Variants in HAUS6 observed in about 807,000 individuals in gnomAD.
HAUS6 encodes the protein HAUS augmin like complex subunit 6.
Under a neutral mutation model 106.8 loss-of-function variants are expected in HAUS6, and 80 were observed. That is an observed-to-expected ratio of 0.75 (90% CI 0.63 to 0.90). The LOEUF (loss-of-function observed/expected upper bound fraction) is 0.90, where lower values mean the gene tolerates loss of function less well. Among genes scored for constraint, HAUS6 ranks in the 40% least tolerant of loss-of-function variants. HAUS6 has a pLI of 0.00. For missense variants in HAUS6, 1,155 were observed against 1,118.1 expected, an observed-to-expected ratio of 1.03 and a Z score of -0.47; for synonymous variants, 356 against 379.1, an observed-to-expected ratio of 0.94 and a Z score of 0.71.
At chr9:19,091,840 T>C (rs768213240) in intron 4 of HAUS6, among the ~76,000 whole-genome samples, 2 of 152,018 alleles carry the variant, frequency 1.3e-5, no homozygotes, top group Non-Finnish European at 2.9e-5. Flanking sequence ...TTTTGTATTT[T>C]CAGTAATGAC....
intron 16 of HAUS6, 193 bp from the exon 17 acceptor site, chr9:19,056,597 C>CT (rs879658713): frequency 0.06 from 24,371 of 403,118 alleles, 26 homozygotes; most frequent in South Asian, 0.073. Context: ...TCCCAGAGTA[C>CT]TTTTTTTTTT....
At chr9:19,096,349 G>A (rs1436278379) in intron 2 of HAUS6, among the ~76,000 whole-genome samples, 1 of 152,078 alleles carries the variant, frequency 6.6e-6, no homozygotes, top group East Asian at 1.9e-4. Flanking sequence ...TGGATCACCT[G>A]AGGTCAGGAG....
intron 8 of HAUS6, among the ~76,000 whole-genome samples, chr9:19,081,272 G>C (rs1044677110): frequency 1.3e-5 from 2 of 152,044 alleles, no homozygotes; most frequent in African/African-American, 4.8e-5. Context: ...GAAAAATAAA[G>C]ATTGAGCAGA....
rs1836693432 is a variant in HAUS6, at chr9:19,063,830, T to C, written c.1377-250A>G. Reference sequence around the variant, plus strand: ...ACCACATACTGAGTCAACAATATTTTGATTTGAAAGAGTTAAGTGACTTAA... The same window carrying C: ...ACCACATACTGAGTCAACAATATTTCGATTTGAAAGAGTTAAGTGACTTAA... On this transcript the variant is annotated intron_variant, in intron 12 of 16. Transcript: ENST00000380502. The C allele has an allele frequency of 4.5e-6, 3 of 667,666 alleles. No homozygotes were observed. In the East Asian group the frequency reaches 9.3e-5, roughly 21 times the overall value. 41.4% of individuals were successfully genotyped at this position (667,666 alleles called of 1,614,324 possible). A position where few individuals can be genotyped will look rare whatever the true frequency, so the allele number is the denominator to read the frequency against.
At chr9:19,083,599 G>C (rs567535469) in intron 7 of HAUS6, among the ~76,000 whole-genome samples, 2 of 152,036 alleles carry the variant, frequency 1.3e-5, no homozygotes, top group African/African-American at 4.8e-5. Context: ...TCAGGAGATA[G>C]AGACCATCCT....
intron 3 of HAUS6, 100 bp downstream of exon 3, chr9:19,094,217 G>A (rs11787990): frequency 0.041 from 27,040 of 666,088 alleles, 632 homozygotes; most frequent in Non-Finnish European, 0.051. Context: ...TATACTGATA[G>A]CATTAAAGCA....
chr9:19,094,882 T>C (rs781589819), intron 2 of HAUS6, among the ~76,000 whole-genome samples: 10 of 152,162 alleles, frequency 6.6e-5, no homozygotes, highest in African/African-American at 2.2e-4. Flanking sequence ...TTTTTATTTA[T>C]AAACATCTAT....
chr9:19,102,076 A>G (rs1329111170), intron 1 of HAUS6, among the ~76,000 whole-genome samples: 1 of 152,222 alleles, frequency 6.6e-6, no homozygotes, highest in African/African-American at 2.4e-5. Context: ...CCGTTGTTTT[A>G]TGCTAACTCC....
chr9:19,066,285 C>A (rs761846422), intron 12 of HAUS6, among the ~76,000 whole-genome samples: 4 of 149,436 alleles, frequency 2.7e-5, no homozygotes, highest in Admixed American at 6.7e-5. Context: ...AAGAACTTGG[C>A]GGGGCGGGGG....
intron 15 of HAUS6, among the ~76,000 whole-genome samples, chr9:19,059,470 A>G (rs1031817346): frequency 2.0e-5 from 3 of 152,208 alleles, no homozygotes; most frequent in African/African-American, 7.2e-5. Flanking sequence ...AAAAACACAC[A>G]AGGTGGGGCC....
At chr9:19,072,614 CAAAT>C (rs755442053) in intron 11 of HAUS6, among the ~76,000 whole-genome samples, 1 of 151,746 alleles carries the variant, frequency 6.6e-6, no homozygotes, top group East Asian at 1.9e-4. Context: ...GTCTGAAAGA[CAAAT>C]AAATGTCAAT....
rs1265954253 is a variant in HAUS6, at chr9:19,054,444, G to GA, written c.*1898dup. On this transcript the variant is annotated 3_prime_UTR_variant, in exon 17 of 17. Transcript: ENST00000380502. ...CTGCCATCACATTGGTTTAGGAGAAGAAAGTGACAGATCTGAGATACTTTT... is the reference window on the plus strand; with the variant it reads ...CTGCCATCACATTGGTTTAGGAGAAGAAAAGTGACAGATCTGAGATACTTTT... The GA allele has an allele frequency of 6.6e-6, 1 of 152,194 alleles. No individual in the cohort carries two copies. Among genetic ancestry groups the GA allele is most frequent in the African/African-American group, 2.4e-5 (1 of 41,452 alleles). The allele number at this position is 152,194 out of a possible 1,614,324, so 9.4% of individuals were successfully genotyped here.
Position 19,096,740 on chromosome 9 carries a change from G to A in HAUS6, c.158C>T (p.Ala53Val), listed in dbSNP as rs748880821. 2.6e-6 allele frequency: 4 copies of A among 1,561,216 alleles called. No individual in the cohort carries two copies. Among genetic ancestry groups the A allele is most frequent in the South Asian group, 2.4e-5 (2 of 84,450 alleles). Reference protein sequence around the residue: ...VNMFDKLNRDAFHIISYFLFQ... With the variant: ...VNMFDKLNRDVFHIISYFLFQ... ...CAAAAAATAAGAAATTATATGAAAG[G>A]CATCACGGTTCAGCTTGTCAAACAT... The change falls in exon 2 of 17, where the codon GCC becomes GTC. Residue 53 changes from alanine (A) to valine (V), a missense_variant. Ala to Val is a moderately conservative substitution (Grantham distance 64). Coordinates refer to ENST00000380502, the MANE Select transcript of HAUS6 (RefSeq NM_017645.5).
chr9:19,095,959 A>G (rs1817852340), intron 2 of HAUS6, among the ~76,000 whole-genome samples: 1 of 152,112 alleles, frequency 6.6e-6, no homozygotes, highest in Non-Finnish European at 1.5e-5. Context: ...CCGTGTAGAC[A>G]AAACAACACT....
At chr9:19,096,816 A>G (rs182815610) in intron 1 of HAUS6, 47 bp from the exon 2 acceptor site, 29 of 869,076 alleles carry the variant, frequency 3.3e-5, no homozygotes, top group Admixed American at 1.8e-4. Context: ...AAAGGTTAAT[A>G]AGCTAAACAT....
rs779622045 is a variant in HAUS6 at position 19,058,440 on chromosome 9, A to G, written c.2327T>C (p.Leu776Ser). The change falls in exon 16 of 17, where the codon TTA becomes TCA. Residue 776 changes from leucine (L) to serine (S), a missense_variant. This residue lies in a region of HAUS6 where 380 missense variants were observed against 394.8 expected (regional missense o/e 0.96). Transcript: ENST00000380502. ...KSFKDNDFGI[L>S]HETLPEEVGH... ...AACTTCTTCCGGGAGAGTTTCGTGT[A>G]ATATGCCAAAATCATTATCTTTAAA... 46 of 1,599,840 alleles carry G rather than the reference A, an allele frequency of 2.9e-5. No homozygotes were observed. The highest frequency in any genetic ancestry group is 3.8e-5 in the Non-Finnish European group (45 of 1,169,090).
intron 16 of HAUS6, 90 bp downstream of exon 16, chr9:19,057,871 G>T: frequency 4.3e-6 from 3 of 705,732 alleles, no homozygotes; most frequent in Non-Finnish European, 4.8e-6. Context: ...TAACAATAAA[G>T]GTCATGCAGC....
chr9:19,078,396 A>C, intron 9 of HAUS6, 94 bp from the exon 10 acceptor site: 1 of 704,810 alleles, frequency 1.4e-6, no homozygotes, highest in South Asian at 1.9e-5. Context: ...GAGAAGTGGA[A>C]GGAAATAGAA....
chr9:19,089,166 C>A (rs1817692466), intron 5 of HAUS6, among the ~76,000 whole-genome samples: 1 of 152,034 alleles, frequency 6.6e-6, no homozygotes, highest in African/African-American at 2.4e-5. Context: ...TGACTTAAGC[C>A]TAGGAAGCAG....
Sources: gnomAD v4.1 joint callset for allele counts (sites outside exome capture counted in the v4.1 genomes callset) on GRCh38, gnomAD v4.1.1 for gene constraint, gnomAD v4.1.1 regional missense constraint, MANE v1.5 for transcripts, NCBI Gene and HGNC (gene_info 2026-07-23, HGNC 2026-07-21) for gene names.